Variants in GLG1 observed in about 807,000 individuals in gnomAD.
GLG1 encodes golgi glycoprotein 1, also known as Golgi apparatus protein 1.
In GLG1, 38 loss-of-function variants were observed where a neutral mutation model predicts 160.5. The ratio of observed to expected loss-of-function variants is 0.24; its 90% CI spans 0.18 to 0.31. The LOEUF (loss-of-function observed/expected upper bound fraction) is 0.31. Ranked by LOEUF, GLG1 falls within the 10% of genes least tolerant of loss-of-function variation. GLG1 has a pLI of 1.00. For synonymous variants in GLG1, 644 were observed against 543.4 expected (o/e 1.19, Z -2.57); for missense variants, 1,373 against 1,505.2 (o/e 0.91, Z 1.45).
intron 2 of GLG1, among the ~76,000 whole-genome samples, chr16:74,527,232 G>T: frequency 1.4e-5 from 2 of 143,436 alleles, no homozygotes; most frequent in African/African-American, 2.5e-5. Flanking sequence ...TATTGTTTTG[G>T]CTTAAGTCAG....
intron 3 of GLG1, among the ~76,000 whole-genome samples, chr16:74,506,594 A>G (rs1289776886): frequency 6.7e-6 from 1 of 148,740 alleles, no homozygotes; most frequent in East Asian, 1.9e-4. Context: ...AAAAAAAAAA[A>G]AAAAAAAAAA....
intron 1 of GLG1, among the ~76,000 whole-genome samples, chr16:74,566,611 A>G (rs2018660488): frequency 8.7e-6 from 1 of 114,326 alleles, no homozygotes; most frequent in Non-Finnish European, 1.7e-5. Flanking sequence ...TTAACCTCTG[A>G]GCAGGTCTCT....
At chr16:74,493,240 C>A in intron 6 of GLG1, 100 bp from the exon 7 acceptor site, 1 of 686,990 alleles carries the variant, frequency 1.5e-6, no homozygotes, top group South Asian at 2.1e-5. Context: ...AAGTACATGT[C>A]AACAACTGCA....
intron 6 of GLG1, among the ~76,000 whole-genome samples, chr16:74,494,468 G>A (rs1259215821): frequency 4.3e-5 from 6 of 140,654 alleles, no homozygotes; most frequent in African/African-American, 1.6e-4. Context: ...GTGCAGTGGT[G>A]CGATCTCAGC....
chr16:74,522,796 G>A (rs965402962), intron 2 of GLG1, among the ~76,000 whole-genome samples: 4 of 152,058 alleles, frequency 2.6e-5, no homozygotes, highest in South Asian at 2.1e-4. Context: ...CGATCCTCTC[G>A]CCTCAGTCTC....
At chr16:74,587,189 T>C (rs1386718363) in intron 1 of GLG1, among the ~76,000 whole-genome samples, 1 of 152,100 alleles carries the variant, frequency 6.6e-6, no homozygotes, top group African/African-American at 2.4e-5. Flanking sequence ...ACAGGCAGCA[T>C]TAACTATGAT....
At chr16:74,562,459 T>C (rs1272252996) in intron 1 of GLG1, among the ~76,000 whole-genome samples, 6 of 152,158 alleles carry the variant, frequency 3.9e-5, no homozygotes, top group Non-Finnish European at 8.8e-5. Context: ...TAAAGGAAGC[T>C]TTTCTTTTTT....
chr16:74,454,071 C>A (rs1297191151), intron 25 of GLG1, among the ~76,000 whole-genome samples: 1 of 151,970 alleles, frequency 6.6e-6, no homozygotes, highest in Non-Finnish European at 1.5e-5. Context: ...GACGGGGTTT[C>A]ACTGTGTTGG....
At chr16:74,584,824 G>A (rs948203878) in intron 1 of GLG1, among the ~76,000 whole-genome samples, 3 of 152,050 alleles carry the variant, frequency 2.0e-5, no homozygotes, top group African/African-American at 7.2e-5. Context: ...GCTGAGGCAG[G>A]AGAATCTATT....
intron 6 of GLG1, among the ~76,000 whole-genome samples, chr16:74,494,368 T>G (rs958671977): frequency 6.6e-6 from 1 of 150,964 alleles, no homozygotes; most frequent in Non-Finnish European, 1.5e-5. Flanking sequence ...CGGTATAAGA[T>G]TATAAGAAAT....
At chr16:74,569,189 G>C (rs1254557533) in intron 1 of GLG1, among the ~76,000 whole-genome samples, 1 of 152,210 alleles carries the variant, frequency 6.6e-6, no homozygotes, top group Non-Finnish European at 1.5e-5. Context: ...TCTGAGCACA[G>C]ATTTGTACTG....
At chr16:74,453,431 T>C (rs1375419910) in intron 25 of GLG1, 97 bp from the exon 26 acceptor site, 4 of 730,680 alleles carry the variant, frequency 5.5e-6, no homozygotes, top group African/African-American at 5.3e-5. Context: ...GTTTAATTTA[T>C]GTCTTTTCTT....
chr16:74,468,378 G>C (rs2015077599), intron 17 of GLG1: 1 of 154,850 alleles, frequency 6.5e-6, no homozygotes, highest in Non-Finnish European at 1.4e-5. Context: ...TGGGATTACA[G>C]GTATGTGCCA....
intron 1 of GLG1, among the ~76,000 whole-genome samples, chr16:74,569,127 G>C (rs901441089): frequency 6.6e-6 from 1 of 152,132 alleles, no homozygotes; most frequent in African/African-American, 2.4e-5. Context: ...ATCTCAAAAG[G>C]CTACACCCTT....
chr16:74,459,551 A>G (rs1472146336), intron 23 of GLG1, 131 bp downstream of exon 23: 1 of 650,514 alleles, frequency 1.5e-6, no homozygotes, highest in East Asian at 2.8e-5. Context: ...AGGAACAGCA[A>G]GAAAAGAGTG....
At chr16:74,591,201 T>C (rs1422581665) in intron 1 of GLG1, among the ~76,000 whole-genome samples, 3 of 151,304 alleles carry the variant, frequency 2.0e-5, no homozygotes, top group South Asian at 2.1e-4. Flanking sequence ...TGTCTTGGCA[T>C]GCACCTGTAG....
chr16:74,605,343 A>G (rs1958541116), intron 1 of GLG1, among the ~76,000 whole-genome samples: 1 of 152,182 alleles, frequency 6.6e-6, no homozygotes, highest in Non-Finnish European at 1.5e-5. Context: ...ACTTTCCCTA[A>G]TAATGTGCTG....
chr16:74,511,653 G>C (rs1419636068), intron 2 of GLG1, among the ~76,000 whole-genome samples: 2 of 150,050 alleles, frequency 1.3e-5, no homozygotes, highest in East Asian at 3.9e-4. Flanking sequence ...CAAAAATTTA[G>C]GACAAACAGT....
chr16:74,569,997 A>C (rs1454873807), intron 1 of GLG1, among the ~76,000 whole-genome samples: 2 of 151,844 alleles, frequency 1.3e-5, no homozygotes, highest in Admixed American at 1.3e-4. Flanking sequence ...AGTTTGGGCA[A>C]CACAGCAAAC....
Sources: gnomAD v4.1 joint callset for allele counts (sites outside exome capture counted in the v4.1 genomes callset) on GRCh38, gnomAD v4.1.1 for gene constraint, MANE v1.5 for transcripts, NCBI Gene and HGNC (gene_info 2026-07-23, HGNC 2026-07-21) for gene names.